Variants in MOSMO observed in about 807,000 individuals in gnomAD.
The protein encoded by MOSMO is modulator of smoothened protein.
In MOSMO, 5 loss-of-function variants were observed where a neutral mutation model predicts 18.4. The ratio of observed to expected loss-of-function variants is 0.27; its 90% CI spans 0.14 to 0.57. MOSMO has a LOEUF of 0.57. Among genes scored for constraint, MOSMO ranks in the 20% least tolerant of loss-of-function variants. The probability of loss-of-function intolerance (pLI) is 0.92; values close to 1 mark genes in which losing one functional copy is unlikely to be tolerated. For missense variants in MOSMO, 138 were observed against 211.8 expected (o/e 0.65, Z 2.16); for synonymous variants, 82 against 82.3 (o/e 1.00, Z 0.02).
chr16:22,032,695 C>T, intron 1 of MOSMO, among the ~76,000 whole-genome samples: 1 of 152,164 alleles, frequency 6.6e-6, no homozygotes, highest in East Asian at 1.9e-4. Context: ...TACAGGTGCA[C>T]ATTACTCTGC....
intron 2 of MOSMO, among the ~76,000 whole-genome samples, chr16:22,078,167 G>A (rs1434467482): frequency 6.6e-6 from 1 of 151,828 alleles, no homozygotes; most frequent in African/African-American, 2.4e-5. Flanking sequence ...TCACCTACCA[G>A]TGCACCTGAT....
chr16:22,090,355 CTTTT>C (rs375793888), downstream of MOSMO: 2 of 152,040 alleles, frequency 1.3e-5, no homozygotes, highest in African/African-American at 4.8e-5. Flanking sequence ...CAAATAAATT[CTTTT>C]TTTTCCTTAA....
At chr16:22,075,462 A>G in intron 1 of MOSMO, 25 bp from the exon 2 acceptor site, 5 of 1,268,462 alleles carry the variant, frequency 3.9e-6, no homozygotes, top group Non-Finnish European at 5.1e-6. Flanking sequence ...CCACTAAAGT[A>G]TTCCCACCAT....
downstream of MOSMO, among the ~76,000 whole-genome samples, chr16:22,091,133 C>T (rs1314202785): frequency 6.6e-6 from 1 of 152,126 alleles, no homozygotes; most frequent in African/African-American, 2.4e-5. Flanking sequence ...CACCGAGTAG[C>T]CATTGGTTGC....
chr16:22,064,433 G>A (rs1567512575), intron 1 of MOSMO: 1 of 456,242 alleles, frequency 2.2e-6, no homozygotes, highest in Non-Finnish European at 4.4e-6. Flanking sequence ...AATCTGGGAA[G>A]AAACAGTAAG....
intron 1 of MOSMO, among the ~76,000 whole-genome samples, chr16:22,027,668 C>G (rs1899903502): frequency 6.6e-6 from 1 of 152,144 alleles, no homozygotes; most frequent in African/African-American, 2.4e-5. Context: ...TTATTTTAAT[C>G]TCAAGGTTTT....
chr16:22,040,479 A>G lies in MOSMO; in HGVS notation c.106+32072A>G, dbSNP rs16972593. ...AGGGCATAATAAGAAGCAGGCAATA[A>G]GAATGATACCAAGATTTCCAAACTG... On this transcript the variant is annotated intron_variant, in intron 1 of 2. Transcript: ENST00000542527. Among the ~76,000 whole-genome samples, 228 of 152,336 alleles carry G rather than the reference A, an allele frequency of 1.5e-3. 2 individuals carry two copies. The highest frequency in any genetic ancestry group is 5.3e-3 in the African/African-American group (220 of 41,576).
intron 1 of MOSMO, among the ~76,000 whole-genome samples, chr16:22,054,441 A>C (rs1900493785): frequency 6.6e-6 from 1 of 152,070 alleles, no homozygotes; most frequent in Non-Finnish European, 1.5e-5. Context: ...TCTCATGCCA[A>C]TTTTTCCTTG....
chr16:22,015,006 C>T (rs1899609046), intron 1 of MOSMO, among the ~76,000 whole-genome samples: 1 of 151,956 alleles, frequency 6.6e-6, no homozygotes, highest in Non-Finnish European at 1.5e-5. Context: ...TTAAAGTATA[C>T]AAATCAGTGG....
At chr16:22,080,536 A>T (rs1451496210) in intron 2 of MOSMO, among the ~76,000 whole-genome samples, 160 bp from the exon 3 acceptor site, 1 of 152,214 alleles carries the variant, frequency 6.6e-6, no homozygotes, top group Non-Finnish European at 1.5e-5. Flanking sequence ...GGCTTCAGGG[A>T]TACTATGTGA....
At chr16:22,038,730 T>TA (rs1031304006) in intron 1 of MOSMO, among the ~76,000 whole-genome samples, 8 of 152,144 alleles carry the variant, frequency 5.3e-5, no homozygotes, top group Admixed American at 2.6e-4. Flanking sequence ...GAGAGCCAGC[T>TA]AAAAAAACAG....
At chr16:22,044,126 G>A (rs1281400338) in intron 1 of MOSMO, among the ~76,000 whole-genome samples, 3 of 152,066 alleles carry the variant, frequency 2.0e-5, no homozygotes, top group Non-Finnish European at 1.5e-5. Context: ...CTCCCACCAG[G>A]TCCCTCCCAC....
chr16:22,061,560 G>A (rs1272489805), intron 1 of MOSMO, among the ~76,000 whole-genome samples: 1 of 152,180 alleles, frequency 6.6e-6, no homozygotes, highest in African/African-American at 2.4e-5. Context: ...TGGAAACACA[G>A]GGGTCATGTC....
chr16:22,048,543 A>G (rs139461687), intron 1 of MOSMO, among the ~76,000 whole-genome samples: 44 of 152,276 alleles, frequency 2.9e-4, no homozygotes, highest in Non-Finnish European at 4.9e-4. Flanking sequence ...GCATTTCTTT[A>G]TTAAGTTGAA....
At chr16:22,012,753 AAAAAG>A (rs1899558629) in intron 1 of MOSMO, among the ~76,000 whole-genome samples, 3 of 151,854 alleles carry the variant, frequency 2.0e-5, no homozygotes, top group Admixed American at 2.0e-4. Flanking sequence ...AAAAAAAAAA[AAAAAG>A]AGTAACTTCC....
At position 22,014,362 on chromosome 16, in the gene MOSMO, A is replaced by G. The variant is rs1268646921; in HGVS notation, c.106+5955A>G. ...AGAAAGCCTTATGTGTTTAAAACCC[A>G]CTATATGTCTAGCATTTTGTGAGGA... On this transcript the variant is annotated intron_variant, in intron 1 of 2. Coordinates refer to ENST00000542527, the MANE Select transcript of MOSMO (RefSeq NM_001164579.2). Among the ~76,000 whole-genome samples, 11 of 152,322 alleles carry G rather than the reference A, an allele frequency of 7.2e-5. No homozygotes were observed. In the East Asian group the frequency reaches 2.1e-3, roughly 29 times the overall value.
intron 1 of MOSMO, among the ~76,000 whole-genome samples, chr16:22,055,476 C>A (rs749101849): frequency 1.3e-5 from 2 of 152,208 alleles, no homozygotes; most frequent in Non-Finnish European, 2.9e-5. Context: ...AGTACCACAA[C>A]AGGATTGCCA....
At chr16:22,031,864 A>G (rs528068501) in intron 1 of MOSMO, among the ~76,000 whole-genome samples, 1 of 152,314 alleles carries the variant, frequency 6.6e-6, no homozygotes, top group Admixed American at 6.5e-5. Context: ...TCCCTTGCAT[A>G]TATACTTAGC....
At chr16:22,061,856 G>A (rs979854031) in intron 1 of MOSMO, among the ~76,000 whole-genome samples, 1 of 152,150 alleles carries the variant, frequency 6.6e-6, no homozygotes, top group African/African-American at 2.4e-5. Context: ...AGCTTAGGTA[G>A]TGTTTTCAGA....
Sources: allele counts gnomAD v4.1 joint callset (sites outside exome capture counted in the v4.1 genomes callset), GRCh38; gene constraint gnomAD v4.1.1; transcripts MANE v1.5; gene names NCBI Gene and HGNC (gene_info 2026-07-23, HGNC 2026-07-21).